SLC35F3: variants seen among roughly 807,000 people sequenced by gnomAD.
The protein encoded by SLC35F3 is putative thiamine transporter SLC35F3.
SLC35F3 carries 25 observed loss-of-function variants against 49.9 expected under a neutral mutation model. That is an observed-to-expected ratio of 0.50 (90% CI 0.37 to 0.70). The LOEUF is 0.70. Ranked by LOEUF, SLC35F3 falls within the 30% of genes least tolerant of loss-of-function variation. The pLI, the probability that SLC35F3 is intolerant of heterozygous loss-of-function variation, is 0.00. For synonymous variants in SLC35F3, 275 were observed against 265.4 expected (o/e 1.04, Z -0.35); for missense variants, 525 against 639.8 (o/e 0.82, Z 1.94).
chr1:234,050,464 T>C (rs1287996314), intron 2 of SLC35F3, among the ~76,000 whole-genome samples: 34 of 152,282 alleles, frequency 2.2e-4, no homozygotes, highest in African/African-American at 7.7e-4. Context: ...TCATATCCTT[T>C]GCCCACTTTT....
At chr1:233,952,481 TGAA>T (rs1420196480) in intron 2 of SLC35F3, among the ~76,000 whole-genome samples, 1 of 152,192 alleles carries the variant, frequency 6.6e-6, no homozygotes, top group East Asian at 1.9e-4. Context: ...CCCCATCCAT[TGAA>T]GATAAACTGT....
chr1:234,061,897 G>T (rs570548512), intron 2 of SLC35F3, among the ~76,000 whole-genome samples: 1 of 151,812 alleles, frequency 6.6e-6, no homozygotes, highest in Non-Finnish European at 1.5e-5. Flanking sequence ...GTTTCTTTTC[G>T]TTTTTTTGAA....
Position 234,229,115 on chromosome 1 carries a change from A to G in SLC35F3, c.284-2302A>G, listed in dbSNP as rs553924506. Among the ~76,000 whole-genome samples, 6 of 152,336 alleles carry G rather than the reference A, an allele frequency of 3.9e-5. No homozygotes were observed. The South Asian group carries it at 1.2e-3, about 32-fold the overall frequency. ...CACAGGCGTTACACATTTAAATAAT[A>G]TGGGAAGCAGCCTCTTGAAAATTCA... is the stretch of plus-strand genomic sequence containing the variant. On this transcript the variant is annotated intron_variant, in intron 2 of 7. Transcript: ENST00000366618.
intron 2 of SLC35F3, among the ~76,000 whole-genome samples, chr1:234,220,049 A>T (rs145420844): frequency 2.0e-5 from 3 of 152,318 alleles, no homozygotes; most frequent in African/African-American, 7.2e-5. Context: ...ATGCTGAGGC[A>T]TCCTGAACGC....
At chr1:234,018,581 G>A (rs1663843198) in intron 2 of SLC35F3, among the ~76,000 whole-genome samples, 1 of 152,106 alleles carries the variant, frequency 6.6e-6, no homozygotes, top group African/African-American at 2.4e-5. Context: ...TTCCTTCAAG[G>A]GACTGCAGCA....
intron 2 of SLC35F3, among the ~76,000 whole-genome samples, chr1:234,190,505 C>A (rs887544706): frequency 4.6e-5 from 7 of 152,184 alleles, no homozygotes; most frequent in South Asian, 2.1e-4. Flanking sequence ...AAGGCCTTAA[C>A]AGGAAAATGT....
At chr1:234,270,849 A>G (rs1215358991) in intron 3 of SLC35F3, among the ~76,000 whole-genome samples, 1 of 152,226 alleles carries the variant, frequency 6.6e-6, no homozygotes, top group African/African-American at 2.4e-5. Flanking sequence ...CAGGTGTTGT[A>G]GTGGCCCAGG....
intron 2 of SLC35F3, among the ~76,000 whole-genome samples, chr1:234,121,347 C>T (rs1016298076): frequency 2.0e-5 from 3 of 151,778 alleles, no homozygotes; most frequent in African/African-American, 7.3e-5. Context: ...ACCATGTTAG[C>T]CAGGATGGTC....
chr1:234,152,929 G>A (rs1481602482), intron 2 of SLC35F3, among the ~76,000 whole-genome samples: 2 of 152,128 alleles, frequency 1.3e-5, no homozygotes, highest in African/African-American at 2.4e-5. Flanking sequence ...TCTAACTGGC[G>A]TGAGATGGTG....
At chr1:234,060,928 G>A in intron 2 of SLC35F3, among the ~76,000 whole-genome samples, 1 of 152,076 alleles carries the variant, frequency 6.6e-6, no homozygotes, top group East Asian at 1.9e-4. Context: ...ATGTCTTATA[G>A]GGCACAGCAT....
intron 2 of SLC35F3, among the ~76,000 whole-genome samples, chr1:234,020,077 A>T (rs565237375): frequency 6.6e-6 from 1 of 150,932 alleles, no homozygotes; most frequent in African/African-American, 2.4e-5. Flanking sequence ...ATGAGACTCT[A>T]TGTTACTAGG....
At chr1:234,128,659 A>G (rs1665685690) in intron 2 of SLC35F3, among the ~76,000 whole-genome samples, 1 of 152,250 alleles carries the variant, frequency 6.6e-6, no homozygotes. Flanking sequence ...CAGGCCAAGG[A>G]AAGAGCTTAA....
chr1:234,314,590 G>A (rs562224341), intron 4 of SLC35F3, among the ~76,000 whole-genome samples: 16 of 152,216 alleles, frequency 1.1e-4, no homozygotes, highest in African/African-American at 3.6e-4. Context: ...GTGAAACCCC[G>A]TCTCTACTAA....
chr1:234,202,529 C>T (rs59145581), intron 2 of SLC35F3, among the ~76,000 whole-genome samples: 5 of 152,352 alleles, frequency 3.3e-5, no homozygotes, highest in African/African-American at 9.6e-5. Context: ...CTAACCAGTG[C>T]GCCCTGAGGC....
At chr1:234,082,446 T>A (rs1170102283) in intron 2 of SLC35F3, among the ~76,000 whole-genome samples, 2 of 152,070 alleles carry the variant, frequency 1.3e-5, no homozygotes, top group African/African-American at 4.8e-5. Flanking sequence ...GTTTGCTTGT[T>A]TTTTGGTTTT....
At chr1:234,117,182 T>C (rs534992340) in intron 2 of SLC35F3, among the ~76,000 whole-genome samples, 5 of 152,174 alleles carry the variant, frequency 3.3e-5, no homozygotes, top group Non-Finnish European at 4.4e-5. Context: ...AAGTATCCCT[T>C]TGTTGGGCCT....
chr1:234,109,569 G>T (rs2102887093), intron 2 of SLC35F3, among the ~76,000 whole-genome samples: 1 of 152,236 alleles, frequency 6.6e-6, no homozygotes, highest in Middle Eastern at 3.4e-3. Context: ...TCCTCCACAT[G>T]GTTGCTAGCA....
At chr1:234,077,709 G>T (rs901026887) in intron 2 of SLC35F3, among the ~76,000 whole-genome samples, 1 of 152,106 alleles carries the variant, frequency 6.6e-6, no homozygotes, top group Non-Finnish European at 1.5e-5. Flanking sequence ...GCAGGCGGTG[G>T]GTTCTCATAG....
In SLC35F3 at chr1:234,231,836, G is replaced by A. The variant is rs1667383688; in HGVS notation, c.608+95G>A. ...TGCCCCTGGTGGCAGGCGCTGGGAT[G>A]AGCCGGTGGGAGCCCGTGGAGAGAT... On this transcript the variant is annotated intron_variant, in intron 3 of 7. Transcript: ENST00000366618. The surrounding 1 kb of genome is among the most constrained non-coding windows in gnomAD (Gnocchi z 5.4). 4.3e-6 allele frequency: 5 copies of A among 1,166,926 alleles called. No individual in the cohort carries two copies. In the South Asian group the frequency reaches 5.9e-5, roughly 14 times the overall value. 72.3% of individuals were successfully genotyped at this position (1,166,926 alleles called of 1,614,324 possible). A position where few individuals can be genotyped will look rare whatever the true frequency, so the allele number is the denominator to read the frequency against.
Sources: gnomAD v4.1 joint callset for allele counts (sites outside exome capture counted in the v4.1 genomes callset) on GRCh38, gnomAD v4.1.1 for gene constraint, Gnocchi (gnomAD v3.1) non-coding constraint, MANE v1.5 for transcripts, NCBI Gene and HGNC (gene_info 2026-07-23, HGNC 2026-07-21) for gene names.